The following ANKIB1 variants were observed in gnomAD, a reference collection of about 807,000 sequenced individuals.
The protein encoded by ANKIB1 is ankyrin repeat and IBR domain containing 1, also known as ankyrin repeat and IBR domain-containing protein 1.
In ANKIB1, 43 loss-of-function variants were observed where a neutral mutation model predicts 122.1. That is an observed-to-expected ratio of 0.35 (90% CI 0.28 to 0.45). The LOEUF is 0.45. ANKIB1 is among the 20% of genes least tolerant of loss of function. ANKIB1 has a pLI of 1.00. For synonymous variants in ANKIB1, 390 were observed against 442.0 expected, an observed-to-expected ratio of 0.88 and a Z score of 1.48; for missense variants, 992 against 1,329.5, an observed-to-expected ratio of 0.75 and a Z score of 3.95.
intron 11 of ANKIB1, among the ~76,000 whole-genome samples, chr7:92,382,019 T>G (rs977623630): frequency 8.0e-5 from 12 of 150,800 alleles, no homozygotes; most frequent in African/African-American, 2.9e-4. Context: ...GAGACATACA[T>G]AGGCTCAAAA....
intron 3 of ANKIB1, among the ~76,000 whole-genome samples, chr7:92,310,312 A>AT (rs1802665477): frequency 1.3e-5 from 2 of 152,128 alleles, no homozygotes; most frequent in South Asian, 4.1e-4. Flanking sequence ...ACTATTAAAT[A>AT]TAAAACATTC....
At chr7:92,319,085 G>A (rs1437711246) in intron 3 of ANKIB1, among the ~76,000 whole-genome samples, 1 of 151,720 alleles carries the variant, frequency 6.6e-6, no homozygotes, top group Admixed American at 6.6e-5. Context: ...ATTGGTTTTG[G>A]GTTTTTTTAA....
intron 9 of ANKIB1, among the ~76,000 whole-genome samples, chr7:92,354,165 G>T (rs181958038): frequency 9.9e-5 from 15 of 152,232 alleles, no homozygotes; most frequent in African/African-American, 3.4e-4. Context: ...TTTGACTGAA[G>T]ATAAGAAAGC....
At chr7:92,261,028 C>CT (rs35798241) in intron 1 of ANKIB1, among the ~76,000 whole-genome samples, 15,503 of 152,124 alleles carry the variant, frequency 0.1, 973 homozygotes, top group East Asian at 0.36. Flanking sequence ...TGATAAAGTC[C>CT]AAACCTCTCT....
intron 5 of ANKIB1, among the ~76,000 whole-genome samples, chr7:92,332,702 C>G (rs1358504047): frequency 2.0e-5 from 3 of 152,134 alleles, no homozygotes; most frequent in African/African-American, 7.2e-5. Flanking sequence ...CATCATCTTC[C>G]AAGCAATTAA....
Position 92,352,500 on chromosome 7 carries a change from A to G in ANKIB1, c.1255A>G (p.Ile419Val), listed in dbSNP as rs777347044. The G allele has an allele frequency of 1.2e-6, 2 of 1,613,182 alleles. No homozygotes were observed. Among genetic ancestry groups the G allele is most frequent in the South Asian group, 1.1e-5 (1 of 90,788 alleles). Residue 419 changes from isoleucine to valine, a missense_variant, in exon 9 of 20, where the codon ATT (isoleucine) becomes GTT (valine). Transcript: ENST00000265742. ...IKAFVENNPA[I>V]KWCPTPGCDR... ...GGCCTTTGTTGAAAATAATCCTGCCATTAAATGGTGTCCTACTCCAGGCTG... is the reference window on the plus strand; with the variant it reads ...GGCCTTTGTTGAAAATAATCCTGCCGTTAAATGGTGTCCTACTCCAGGCTG...
In ANKIB1 at chr7:92,362,224, A is replaced by G; in HGVS notation, c.1437A>G (p.Gln479=). Residue 479 remains glutamine (Q), a synonymous_variant, in exon 10 of 20, where the codon CAA becomes CAG. Transcript: ENST00000265742. ...AAGCACATGAGCCTTGTGACTGCCA[A>G]ACATGGAAGAATTGGCTGCAAAAAA... is the stretch of plus-strand genomic sequence containing the variant. ...LGEAHEPCDC[Q]TWKNWLQKIT... The G allele has an allele frequency of 1.2e-6, 2 of 1,601,466 alleles. No individual in the cohort carries two copies. Among genetic ancestry groups the G allele is most frequent in the Admixed American group, 3.4e-5 (2 of 58,222 alleles).
intron 1 of ANKIB1, among the ~76,000 whole-genome samples, chr7:92,254,964 G>GT (rs1801404958): frequency 6.6e-6 from 1 of 152,126 alleles, no homozygotes; most frequent in Non-Finnish European, 1.5e-5. Flanking sequence ...ATGATAGTGA[G>GT]TAAGTCACAC....
At chr7:92,256,398 C>T (rs1473335883) in intron 1 of ANKIB1, among the ~76,000 whole-genome samples, 1 of 152,104 alleles carries the variant, frequency 6.6e-6, no homozygotes, top group African/African-American at 2.4e-5. Context: ...GCAAGGGCCA[C>T]CTATTAAGGA....
At chr7:92,375,058 C>A (rs544001588) in intron 11 of ANKIB1, among the ~76,000 whole-genome samples, 16 of 150,260 alleles carry the variant, frequency 1.1e-4, no homozygotes, top group Admixed American at 6.6e-4. Context: ...TGTAAATTCA[C>A]ACTGTCTGTT....
intron 1 of ANKIB1, among the ~76,000 whole-genome samples, chr7:92,278,893 ATTG>A (rs1202008330): frequency 2.6e-5 from 4 of 152,178 alleles, no homozygotes; most frequent in Admixed American, 6.5e-5. Context: ...TTATCAGTCT[ATTG>A]TTGTAAGTTG....
At chr7:92,352,402 A>C in intron 8 of ANKIB1, 74 bp from the exon 9 acceptor site, 1 of 1,438,484 alleles carries the variant, frequency 7.0e-7, no homozygotes, top group Non-Finnish European at 9.5e-7. Context: ...GTAAATTACC[A>C]TAGAGGTACA....
At chr7:92,246,659 T>C in intron 1 of ANKIB1, 140 bp downstream of exon 1, 1 of 448,180 alleles carries the variant, frequency 2.2e-6, no homozygotes, top group Non-Finnish European at 4.5e-6. Context: ...ATTGTTGTTC[T>C]GTCTGTCCCC....
intron 5 of ANKIB1, among the ~76,000 whole-genome samples, chr7:92,336,795 C>T (rs1803299141): frequency 6.6e-6 from 1 of 151,978 alleles, no homozygotes; most frequent in African/African-American, 2.4e-5. Flanking sequence ...AGTGCTTTTT[C>T]ATTTTGTCAG....
rs775931493 is a variant in ANKIB1 at position 92,246,534 on chromosome 7, C to T, written c.-91+15C>T. 1.9e-6 allele frequency: 1 copy of T among 517,628 alleles called. No individual in the cohort carries two copies. Among genetic ancestry groups the T allele is most frequent in the Non-Finnish European group, 3.9e-6 (1 of 259,606 alleles). 32.1% of individuals were successfully genotyped at this position (517,628 alleles called of 1,614,324 possible). A position where few individuals can be genotyped will look rare whatever the true frequency, so the allele number is the denominator to read the frequency against. On this transcript the variant is annotated intron_variant, in intron 1 of 19. Transcript: ENST00000265742. The stretch of plus-strand genomic sequence containing the variant: ...GAGAAGTAACCGTAAGTCTCAGCTT[C>T]GCGGTACAGATGTGTTTGAGGCTGC...
At position 92,400,904 on chromosome 7, in the gene ANKIB1, T is replaced by C. The variant is rs1055591646; in HGVS notation, c.*1955T>C. ...GATTAAAAATATCAACACCAATAAG[T>C]TTTTAGACCAAGTTGTAATTTTTCC... On this transcript the variant is annotated 3_prime_UTR_variant, in exon 20 of 20. Coordinates refer to ENST00000265742, the MANE Select transcript of ANKIB1 (RefSeq NM_019004.2). 2.6e-5 allele frequency: 4 copies of C among 152,304 alleles called. No homozygotes were observed. The East Asian group carries it at 5.8e-4, about 22-fold the overall frequency. The allele number at this position is 152,304 out of a possible 1,614,324, so 9.4% of individuals were successfully genotyped here. A position where few individuals can be genotyped will look rare whatever the true frequency, so the allele number is the denominator to read the frequency against.
chr7:92,329,986 T>G (rs1228125964), intron 5 of ANKIB1, among the ~76,000 whole-genome samples: 2 of 152,350 alleles, frequency 1.3e-5, no homozygotes, highest in African/African-American at 4.8e-5. Context: ...AACCCTTCAG[T>G]GGCTTGCTAC....
intron 9 of ANKIB1, among the ~76,000 whole-genome samples, chr7:92,361,020 A>G (rs1320989085): frequency 6.6e-6 from 1 of 152,058 alleles, no homozygotes; most frequent in Non-Finnish European, 1.5e-5. Context: ...ACGAGCCACC[A>G]CTCCCTGCCC....
intron 1 of ANKIB1, among the ~76,000 whole-genome samples, chr7:92,285,300 C>G (rs1490449545): frequency 6.6e-6 from 1 of 152,196 alleles, no homozygotes; most frequent in Non-Finnish European, 1.5e-5. Context: ...CAGACGTGAG[C>G]CACTGTGTCC....
Sources: gnomAD v4.1 joint callset for allele counts (sites outside exome capture counted in the v4.1 genomes callset) on GRCh38, gnomAD v4.1.1 for gene constraint, MANE v1.5 for transcripts, NCBI Gene and HGNC (gene_info 2026-07-23, HGNC 2026-07-21) for gene names.